The following GPRC6A variants were observed in gnomAD, a reference collection of about 807,000 sequenced individuals.
The protein encoded by GPRC6A is G protein-coupled receptor family C group 6 member A.
A neutral mutation model predicts 47.0 loss-of-function variants in GPRC6A; 54 were observed. That is an observed-to-expected ratio of 1.15 (90% CI 0.92 to 1.44). The LOEUF (loss-of-function observed/expected upper bound fraction) is 1.44. GPRC6A is among the 40% of genes most tolerant of loss of function. GPRC6A has a pLI of 0.00. For synonymous variants in GPRC6A, 347 were observed against 377.1 expected, an observed-to-expected ratio of 0.92 and a Z score of 0.93; for missense variants, 1,112 against 1,105.5, an observed-to-expected ratio of 1.01 and a Z score of -0.08.
At chr6:116,822,758 C>G (rs1157501586) in intron 1 of GPRC6A, among the ~76,000 whole-genome samples, 1 of 149,518 alleles carries the variant, frequency 6.7e-6, no homozygotes, top group Non-Finnish European at 1.5e-5. Flanking sequence ...ATACCTAATG[C>G]TAGATGACGA....
intron 3 of GPRC6A, among the ~76,000 whole-genome samples, chr6:116,801,694 T>C (rs1772680588): frequency 6.6e-6 from 1 of 152,196 alleles, no homozygotes; most frequent in Non-Finnish European, 1.5e-5. Context: ...AGTTATATTT[T>C]CAAGTAAATA....
At chr6:116,829,134 C>T, upstream of GPRC6A, 3 of 1,077,250 alleles carry the variant, frequency 2.8e-6, no homozygotes, top group Non-Finnish European at 3.7e-6. Context: ...TGTCAAAGGC[C>T]AGAAACACTC....
At chr6:116,823,957 T>G (rs1429368374) in intron 1 of GPRC6A, among the ~76,000 whole-genome samples, 1 of 152,068 alleles carries the variant, frequency 6.6e-6, no homozygotes, top group Non-Finnish European at 1.5e-5. Flanking sequence ...AAGCCATTCA[T>G]AAGAAACTGC....
At chr6:116,819,976 A>G (rs1773398999) in intron 1 of GPRC6A, among the ~76,000 whole-genome samples, 1 of 150,226 alleles carries the variant, frequency 6.7e-6, no homozygotes, top group African/African-American at 2.5e-5. Flanking sequence ...ACTAATAAAG[A>G]AAAAAAGAGA....
At chr6:116,823,188 C>G (rs538787943) in intron 1 of GPRC6A, among the ~76,000 whole-genome samples, 1 of 152,116 alleles carries the variant, frequency 6.6e-6, no homozygotes, top group African/African-American at 2.4e-5. Flanking sequence ...AATATAAGTT[C>G]CAGTTTTACA....
At chr6:116,827,030 A>G (rs748208494) in intron 1 of GPRC6A, among the ~76,000 whole-genome samples, 1 of 151,910 alleles carries the variant, frequency 6.6e-6, no homozygotes, top group Non-Finnish European at 1.5e-5. Flanking sequence ...CTGACATTAT[A>G]AAAGTACTAG....
At position 116,793,143 on chromosome 6, in the gene GPRC6A, C is replaced by T. The variant is rs763774544; in HGVS notation, c.1780G>A (p.Ala594Thr). 5 of 1,613,728 alleles carry T rather than the reference C, an allele frequency of 3.1e-6. No homozygotes were observed. In the South Asian group the frequency reaches 5.5e-5, roughly 18 times the overall value. ...VEYLNWNDSL[A>T]ILLLILSLLG... Reference sequence around the variant, plus strand: ...AGGGAGAGAATCAGGAGTAGGATGGCCAAGGAGTCATTCCAGTTGAGATAT... The same window carrying T: ...AGGGAGAGAATCAGGAGTAGGATGGTCAAGGAGTCATTCCAGTTGAGATAT... Residue 594 changes from alanine to threonine, a missense_variant, in exon 6 of 6, where the codon GCC (alanine) becomes ACC (threonine). Physicochemically the swap from Ala to Thr is moderately conservative, Grantham distance 58. Transcript: ENST00000310357.
At position 116,806,479 on chromosome 6, in the gene GPRC6A, G is replaced by A; in HGVS notation, c.1226C>T (p.Pro409Leu). 1.2e-6 allele frequency: 2 copies of A among 1,613,350 alleles called. No individual in the cohort carries two copies. Among genetic ancestry groups the A allele is most frequent in the Non-Finnish European group, 1.7e-6 (2 of 1,179,556 alleles). The change falls in exon 3 of 6, where the codon CCA (proline) becomes CTA (leucine). Residue 409 changes from proline (P) to leucine (L), a missense_variant. Transcript: ENST00000310357. ...AAGCTGAATACTATGAATGAGTCCTGGCTCAGCATAGTCCCAGAGGAAGTC... is the reference window on the plus strand; with the variant it reads ...AAGCTGAATACTATGAATGAGTCCTAGCTCAGCATAGTCCCAGAGGAAGTC... ...RNDFLWDYAE[P>L]GLIHSIQLAV...
At chr6:116,805,442 T>C (rs963698256) in intron 3 of GPRC6A, among the ~76,000 whole-genome samples, 1 of 152,068 alleles carries the variant, frequency 6.6e-6, no homozygotes, top group African/African-American at 2.4e-5. Flanking sequence ...TCATTTCTTT[T>C]ACCTTCTTTT....
chr6:116,820,315 T>C (rs1773417564), intron 1 of GPRC6A, among the ~76,000 whole-genome samples: 1 of 152,138 alleles, frequency 6.6e-6, no homozygotes, highest in Admixed American at 6.5e-5. Flanking sequence ...CTGAAACTAT[T>C]CCGATCAATA....
intron 1 of GPRC6A, 57 bp downstream of exon 1, chr6:116,828,763 A>G (rs1773748486): frequency 1.4e-5 from 19 of 1,399,502 alleles, no homozygotes; most frequent in Non-Finnish European, 6.8e-6. Context: ...AACAGTTTAT[A>G]TGTCCTAGTC....
At chr6:116,817,129 A>G (rs1404298575) in intron 1 of GPRC6A, among the ~76,000 whole-genome samples, 5 of 152,058 alleles carry the variant, frequency 3.3e-5, no homozygotes, top group African/African-American at 1.2e-4. Flanking sequence ...GCAGACTTAA[A>G]TGTCCCTGTC....
In GPRC6A at chr6:116,792,090, C is replaced by A. The variant is rs1582448742; in HGVS notation, c.*52G>T. 6.8e-7 allele frequency: 1 copy of A among 1,463,108 alleles called. No individual in the cohort carries two copies. Among genetic ancestry groups the A allele is most frequent in the East Asian group, 2.3e-5 (1 of 43,868 alleles). The allele number at this position is 1,463,108 out of a possible 1,614,324, so 90.6% of individuals were successfully genotyped here. On this transcript the variant is annotated 3_prime_UTR_variant, in exon 6 of 6. Coordinates refer to ENST00000310357, the MANE Select transcript of GPRC6A (RefSeq NM_148963.4). ...GGAAAGTAAATTTATATCTTAGATGCAAAGACCCTGGAAACATTTTATTCT... is the reference window on the plus strand; with the variant it reads ...GGAAAGTAAATTTATATCTTAGATGAAAAGACCCTGGAAACATTTTATTCT...
rs562597349 is a variant in GPRC6A at position 116,822,871 on chromosome 6, A to T, written c.194+5949T>A. On this transcript the variant is annotated intron_variant, in intron 1 of 5. Transcript: ENST00000310357. The stretch of plus-strand genomic sequence containing the variant: ...AACTTAAAGTATAATAATAAAAAAA[A>T]AGAAACAATTACTAGTCTCTAAAAA... Among the ~76,000 whole-genome samples, 6 of 150,300 alleles carry T rather than the reference A, an allele frequency of 4.0e-5. No individual in the cohort carries two copies. The South Asian group carries it at 1.3e-3, about 32-fold the overall frequency.
intron 1 of GPRC6A, among the ~76,000 whole-genome samples, chr6:116,819,023 C>G (rs1773354615): frequency 6.6e-6 from 1 of 151,874 alleles, no homozygotes; most frequent in South Asian, 2.1e-4. Flanking sequence ...ATCTACCAAG[C>G]AAATGGAAAA....
chr6:116,828,856 T>A lies in GPRC6A; in HGVS notation c.158A>T (p.Asp53Val), dbSNP rs755635672. ...AIHEKMLSSE[D>V]SPRRPQIQEC... ...CTGGATTTGTGGTCGTCTGGGAGAG[T>A]CTTCTGAGGACAACATTTTTTCATG... Residue 53 changes from aspartate to valine, a missense_variant, in exon 1 of 6, where the codon GAC (aspartate) becomes GTC (valine). Physicochemically the swap from Asp to Val is radical, Grantham distance 152. Transcript: ENST00000310357. 5 of 1,612,478 alleles carry A rather than the reference T, an allele frequency of 3.1e-6. No individual in the cohort carries two copies. The African/African-American group carries it at 6.7e-5, about 22-fold the overall frequency.
At chr6:116,807,531 C>A (rs775203230) in intron 2 of GPRC6A, among the ~76,000 whole-genome samples, 12 of 152,222 alleles carry the variant, frequency 7.9e-5, no homozygotes, top group Non-Finnish European at 1.3e-4. Flanking sequence ...GAGGTAAATG[C>A]GGTCCATCAT....
chr6:116,821,919 A>C (rs1562114949), intron 1 of GPRC6A, among the ~76,000 whole-genome samples: 1 of 149,974 alleles, frequency 6.7e-6, no homozygotes, highest in Non-Finnish European at 1.5e-5. Flanking sequence ...CAGAGTGAAC[A>C]GGCAACCTAC....
At chr6:116,813,799 A>C (rs1046440208) in intron 1 of GPRC6A, among the ~76,000 whole-genome samples, 4 of 152,242 alleles carry the variant, frequency 2.6e-5, no homozygotes, top group Admixed American at 6.5e-5. Flanking sequence ...GGCAAAAGAA[A>C]CTACCATTAG....
Sources: allele counts gnomAD v4.1 joint callset (sites outside exome capture counted in the v4.1 genomes callset), GRCh38; gene constraint gnomAD v4.1.1; transcripts MANE v1.5; gene names NCBI Gene and HGNC (gene_info 2026-07-23, HGNC 2026-07-21).